Variants in NFIB observed in about 807,000 individuals in gnomAD.
NFIB encodes the protein nuclear factor 1 B-type.
In NFIB, 11 loss-of-function variants were observed where a neutral mutation model predicts 61.5. That is an observed-to-expected ratio of 0.18 (90% CI 0.11 to 0.30). The LOEUF (loss-of-function observed/expected upper bound fraction) is 0.30, where lower values mean the gene tolerates loss of function less well. Among genes scored for constraint, NFIB ranks in the 10% least tolerant of loss-of-function variants. The probability of loss-of-function intolerance (pLI) is 1.00; values close to 1 mark genes in which losing one functional copy is unlikely to be tolerated. For missense variants in NFIB, 471 were observed against 608.9 expected (o/e 0.77, Z 2.38); for synonymous variants, 260 against 216.5 (o/e 1.20, Z -1.76).
intron 10 of NFIB, among the ~76,000 whole-genome samples, chr9:14,109,538 G>A (rs1001672695): frequency 6.6e-6 from 1 of 152,012 alleles, no homozygotes; most frequent in African/African-American, 2.4e-5. Flanking sequence ...TCTTCCAATA[G>A]AAAAGTTAAA....
the NFIB span, among the ~76,000 whole-genome samples, chr9:14,487,199 C>T: frequency 3.3e-5 from 5 of 152,114 alleles, no homozygotes; most frequent in Non-Finnish European, 7.4e-5. Context: ...ACACGAAAAC[C>T]ATCCTTACCT....
chr9:14,398,023 C>T (rs2061705081), intron 1 of NFIB, among the ~76,000 whole-genome samples: 1 of 151,908 alleles, frequency 6.6e-6, no homozygotes, highest in South Asian at 2.1e-4. Flanking sequence ...GTAATGTGCT[C>T]ACATATATGA....
rs79373529 is a variant in NFIB at position 14,180,278 on chromosome 9, C to T, written c.563-498G>A. Among the ~76,000 whole-genome samples the T allele has an allele frequency of 8.1e-3, 1,226 of 152,264 alleles. 12 individuals are homozygous for T. Among genetic ancestry groups the T allele is most frequent in the African/African-American group, 0.027 (1,112 of 41,552 alleles). On this transcript the variant is annotated intron_variant, in intron 2 of 10. Coordinates refer to ENST00000380953, the MANE Select transcript of NFIB (RefSeq NM_001190737.2). ...TACACATACCCACTCCAATAATCTC[C>T]CAACCTACTGGATCCAGGCCCAGAT...
intron 2 of NFIB, among the ~76,000 whole-genome samples, chr9:14,243,255 T>C (rs997365369): frequency 6.6e-6 from 1 of 152,120 alleles, no homozygotes; most frequent in African/African-American, 2.4e-5. Flanking sequence ...ACTTCTAGCA[T>C]ATGAAGTGGA....
chr9:14,412,928 C>A, the NFIB span, among the ~76,000 whole-genome samples: 1 of 152,124 alleles, frequency 6.6e-6, no homozygotes, highest in South Asian at 2.1e-4. Context: ...CTAGGAAGGG[C>A]GCCTCCACTT....
chr9:14,092,315 T>G (rs2034052742), intron 10 of NFIB, among the ~76,000 whole-genome samples: 1 of 152,084 alleles, frequency 6.6e-6, no homozygotes, highest in Non-Finnish European at 1.5e-5. Flanking sequence ...ATAGCCATGC[T>G]GAGGACTTAA....
chr9:14,147,475 C>T (rs1480177998), intron 5 of NFIB, among the ~76,000 whole-genome samples: 1 of 151,570 alleles, frequency 6.6e-6, no homozygotes, highest in Non-Finnish European at 1.5e-5. Context: ...TAGTAATAAC[C>T]CTATCATTAA....
At chr9:14,170,001 G>A (rs956225052) in intron 3 of NFIB, among the ~76,000 whole-genome samples, 2 of 152,164 alleles carry the variant, frequency 1.3e-5, no homozygotes, top group Non-Finnish European at 2.9e-5. Context: ...AACTCCTCGG[G>A]TAATTAGACA....
intron 6 of NFIB, among the ~76,000 whole-genome samples, chr9:14,144,064 T>C (rs2042038754): frequency 6.7e-6 from 1 of 149,784 alleles, no homozygotes; most frequent in African/African-American, 2.5e-5. Context: ...TGGAATATTC[T>C]TCCTTCCTCT....
chr9:14,196,588 T>G (rs2131594884), intron 2 of NFIB, among the ~76,000 whole-genome samples: 1 of 151,938 alleles, frequency 6.6e-6, no homozygotes, highest in South Asian at 2.1e-4. Flanking sequence ...GAGCATCAAG[T>G]TAATTGTGTC....
chr9:14,195,555 CTTGT>C (rs2048381621), intron 2 of NFIB, among the ~76,000 whole-genome samples: 1 of 152,154 alleles, frequency 6.6e-6, no homozygotes, highest in South Asian at 2.1e-4. Flanking sequence ...CCACTTCATT[CTTGT>C]TTATTTAGGT....
the NFIB span, among the ~76,000 whole-genome samples, chr9:14,456,827 AT>A: frequency 6.6e-6 from 1 of 152,132 alleles, no homozygotes; most frequent in Non-Finnish European, 1.5e-5. Flanking sequence ...CAGCCATCCC[AT>A]TTTGGGAAAT....
intron 2 of NFIB, among the ~76,000 whole-genome samples, chr9:14,255,014 G>C (rs1468025103): frequency 2.0e-5 from 3 of 152,004 alleles, no homozygotes; most frequent in Admixed American, 6.6e-5. Context: ...TTGAGGATGG[G>C]AATTCACCAC....
intron 2 of NFIB, among the ~76,000 whole-genome samples, chr9:14,202,416 G>A (rs761683470): frequency 1.3e-5 from 2 of 152,088 alleles, no homozygotes; most frequent in Non-Finnish European, 2.9e-5. Context: ...TGACTAGTTC[G>A]GGAGCTGAAG....
the NFIB span, among the ~76,000 whole-genome samples, chr9:14,419,208 AT>A: frequency 6.7e-6 from 1 of 149,228 alleles, no homozygotes; most frequent in Non-Finnish European, 1.5e-5. Flanking sequence ...CCTTTCAAAG[AT>A]TTTTTTCCCT....
At chr9:14,398,458 C>T in intron 1 of NFIB, 2 of 1,169,156 alleles carry the variant, frequency 1.7e-6, no homozygotes, top group South Asian at 2.9e-5. Flanking sequence ...CACTGAGACA[C>T]ATTGTCTAAG....
chr9:14,392,986 A>G (rs1251109583), intron 1 of NFIB, among the ~76,000 whole-genome samples: 2 of 152,218 alleles, frequency 1.3e-5, no homozygotes, highest in Non-Finnish European at 2.9e-5. Context: ...TTACAAATCA[A>G]CGGTCTTGCG....
At chr9:14,361,443 G>T (rs901567482) in intron 1 of NFIB, 1 of 152,118 alleles carries the variant, frequency 6.6e-6, no homozygotes, top group African/African-American at 2.4e-5. Flanking sequence ...GTATTTGCTA[G>T]TAGCATTACT....
At chr9:14,231,117 G>C (rs2053083633) in intron 2 of NFIB, among the ~76,000 whole-genome samples, 1 of 26,298 alleles carries the variant, frequency 3.8e-5, no homozygotes, top group African/African-American at 1.6e-4. Context: ...GTTTTTCCAT[G>C]GGGAAAAAAA....
Sources: allele counts gnomAD v4.1 joint callset (sites outside exome capture counted in the v4.1 genomes callset), GRCh38; gene constraint gnomAD v4.1.1; transcripts MANE v1.5; gene names NCBI Gene and HGNC (gene_info 2026-07-23, HGNC 2026-07-21).